Variants in AGO3 observed in about 807,000 individuals in gnomAD.
AGO3 encodes protein argonaute-3.
In AGO3, 16 loss-of-function variants were observed where a neutral mutation model predicts 105.5. That is an observed-to-expected ratio of 0.15 (90% CI 0.10 to 0.23). AGO3 has a LOEUF of 0.23. AGO3 is among the 10% of genes least tolerant of loss of function. The pLI is 1.00. For missense variants in AGO3, 534 were observed against 1,088.0 expected (o/e 0.49, Z 7.16); for synonymous variants, 340 against 367.3 (o/e 0.93, Z 0.85).
Position 36,027,758 on chromosome 1 carries a change from G to A in AGO3, c.1591+460G>A, listed in dbSNP as rs148379014. 1.0e-3 allele frequency among the ~76,000 whole-genome samples: 153 copies of A among 148,184 alleles called. No individual in the cohort carries two copies. Among genetic ancestry groups the A allele is most frequent in the African/African-American group, 3.6e-3 (143 of 40,084 alleles). ...CGCACCGGTGCACTCCAGCCTGGGC[G>A]ACAGAGCGAAAGTCCGTCTCAAAAA... On this transcript the variant is annotated intron_variant, in intron 12 of 18. Transcript: ENST00000373191. This position sits in a 1 kb window ranked among gnomAD's most constrained non-coding sequence, Gnocchi z 4.0.
Position 36,009,612 on chromosome 1 carries a change from GA to G in AGO3, c.1149+21del. On this transcript the variant is annotated intron_variant, in intron 9 of 18. Coordinates refer to ENST00000373191, the MANE Select transcript of AGO3 (RefSeq NM_024852.4). ...GCAGATTGGTTAGTACTTAACCTTA[GA>G]AATGAGAATTTAAAACATATTAGGG... 1 of 1,600,990 alleles carries G rather than the reference GA, an allele frequency of 6.2e-7. No homozygotes were observed. The highest frequency in any genetic ancestry group is 8.5e-7 in the Non-Finnish European group (1 of 1,175,904).
Position 36,056,787 on chromosome 1 carries a change from G to C in AGO3, c.*1042G>C, listed in dbSNP as rs1343727597. 1 of 151,112 alleles carries C rather than the reference G, an allele frequency of 6.6e-6. No homozygotes were observed. The highest frequency in any genetic ancestry group is 1.5e-5 in the Non-Finnish European group (1 of 67,872). The allele number at this position is 151,112 out of a possible 1,614,324, so 9.4% of individuals were successfully genotyped here. Reference sequence around the variant, plus strand: ...AGACAGAGCCTCGCTCTGTCACCAGGCTGGAGTGCAGTGGCGAGATCTCGG... The same window carrying C: ...AGACAGAGCCTCGCTCTGTCACCAGCCTGGAGTGCAGTGGCGAGATCTCGG... On this transcript the variant is annotated 3_prime_UTR_variant, in exon 19 of 19. Transcript: ENST00000373191.
At chr1:36,054,925 A>G (rs1442247211) in intron 17 of AGO3, 21 bp from the exon 18 acceptor site, 5 of 1,607,604 alleles carry the variant, frequency 3.1e-6, no homozygotes, top group African/African-American at 2.7e-5. Flanking sequence ...TCAACAGTGT[A>G]TGTCATTGCC....
intron 2 of AGO3, among the ~76,000 whole-genome samples, chr1:35,965,823 T>C (rs1232663476): frequency 1.4e-5 from 2 of 147,196 alleles, no homozygotes; most frequent in African/African-American, 2.5e-5. Flanking sequence ...AATCTCTCTT[T>C]TTTTTTTTTT....
intron 9 of AGO3, among the ~76,000 whole-genome samples, chr1:36,012,652 C>T (rs983077964): frequency 6.6e-6 from 1 of 152,068 alleles, no homozygotes; most frequent in African/African-American, 2.4e-5. Context: ...TCAAACTCTA[C>T]ACAAAATAAA....
intron 13 of AGO3, among the ~76,000 whole-genome samples, chr1:36,034,713 G>A (rs1293949676): frequency 6.6e-6 from 1 of 152,162 alleles, no homozygotes; most frequent in Non-Finnish European, 1.5e-5. Flanking sequence ...TCTCACTGGA[G>A]AGCCCAGCTT....
intron 2 of AGO3, among the ~76,000 whole-genome samples, chr1:35,963,840 A>G (rs764733239): frequency 1.3e-5 from 2 of 152,176 alleles, no homozygotes; most frequent in African/African-American, 2.4e-5. Context: ...GAGATGAGCC[A>G]AGTTTTGAAT....
chr1:35,958,359 CG>C (rs968818139), intron 2 of AGO3, among the ~76,000 whole-genome samples: 32 of 151,456 alleles, frequency 2.1e-4, no homozygotes, highest in Admixed American at 1.3e-4. Context: ...CCAGTCTAGG[CG>C]ACAGAATAAG....
intron 2 of AGO3, among the ~76,000 whole-genome samples, chr1:35,954,145 C>G (rs960610058): frequency 3.9e-5 from 6 of 152,098 alleles, no homozygotes; most frequent in African/African-American, 1.4e-4. Flanking sequence ...CTTGGGGAAA[C>G]TATTATACAA....
In AGO3 at chr1:36,009,050, G is replaced by A. The variant is rs1252524505; in HGVS notation, c.1029+6G>A. On this transcript the variant is annotated splice_donor_region_variant and intron_variant, in intron 8 of 18. Transcript: ENST00000373191. ...ACACCTACCTGCCACTAGAAGTAAT[G>A]CCTTCACACTGCTAATTAATACCCT... 4 of 1,525,068 alleles carry A rather than the reference G, an allele frequency of 2.6e-6. No homozygotes were observed. Among genetic ancestry groups the A allele is most frequent in the East Asian group, 2.7e-5 (1 of 37,436 alleles). 94.5% of individuals were successfully genotyped at this position (1,525,068 alleles called of 1,614,324 possible). A position where few individuals can be genotyped will look rare whatever the true frequency, so the allele number is the denominator to read the frequency against.
intron 9 of AGO3, 113 bp from the exon 10 acceptor site, chr1:36,013,517 C>T: frequency 1.5e-6 from 2 of 1,379,192 alleles, no homozygotes; most frequent in Non-Finnish European, 2.0e-6. Context: ...TTGATTAGAC[C>T]TGTTGGAAAA....
chr1:36,034,716 C>T (rs761874007), intron 13 of AGO3, among the ~76,000 whole-genome samples: 5 of 152,112 alleles, frequency 3.3e-5, no homozygotes, highest in African/African-American at 7.2e-5. Flanking sequence ...CACTGGAGAG[C>T]CCAGCTTGAA....
rs1324507451 is a variant in AGO3, at chr1:36,056,624, A to T, written c.*879A>T. 4 of 152,216 alleles carry T rather than the reference A, an allele frequency of 2.6e-5. No individual in the cohort carries two copies. The highest frequency in any genetic ancestry group is 5.9e-5 in the Non-Finnish European group (4 of 68,032). 9.4% of individuals were successfully genotyped at this position (152,216 alleles called of 1,614,324 possible). A position where few individuals can be genotyped will look rare whatever the true frequency, so the allele number is the denominator to read the frequency against. ...CACACACATATATATACATAAAATAACTTTCTGTGAGAGTGCGTCTCTCCC... is the reference window on the plus strand; with the variant it reads ...CACACACATATATATACATAAAATATCTTTCTGTGAGAGTGCGTCTCTCCC... On this transcript the variant is annotated 3_prime_UTR_variant, in exon 19 of 19. Coordinates refer to ENST00000373191, the MANE Select transcript of AGO3 (RefSeq NM_024852.4).
At chr1:35,988,803 G>T (rs1647346807) in intron 5 of AGO3, among the ~76,000 whole-genome samples, 1 of 152,032 alleles carries the variant, frequency 6.6e-6, no homozygotes, top group African/African-American at 2.4e-5. Flanking sequence ...CCTGAAGTGG[G>T]ATTGCTAGAT....
chr1:35,940,855 G>A (rs898334176), intron 1 of AGO3, among the ~76,000 whole-genome samples: 3 of 152,046 alleles, frequency 2.0e-5, no homozygotes, highest in African/African-American at 7.2e-5. Context: ...CAGTTCCTTT[G>A]CTGTTTTCAT....
intron 5 of AGO3, among the ~76,000 whole-genome samples, chr1:35,995,095 G>A (rs1648159004): frequency 6.6e-6 from 1 of 151,352 alleles, no homozygotes; most frequent in African/African-American, 2.4e-5. Flanking sequence ...CGGCTACTCG[G>A]GAGGCTGAGG....
chr1:36,034,397 A>C, intron 13 of AGO3, 64 bp downstream of exon 13: 1 of 1,223,722 alleles, frequency 8.2e-7, no homozygotes, highest in African/African-American at 1.6e-5. Flanking sequence ...ATATATGACC[A>C]TATCTAACTA....
At chr1:36,013,543 G>C in intron 9 of AGO3, 87 bp from the exon 10 acceptor site, 1 of 1,527,974 alleles carries the variant, frequency 6.5e-7, no homozygotes, top group Non-Finnish European at 8.9e-7. Flanking sequence ...TATGGACACA[G>C]TGAAGAAAAA....
At chr1:36,021,735 A>G (rs993437290) in intron 11 of AGO3, among the ~76,000 whole-genome samples, 2 of 152,238 alleles carry the variant, frequency 1.3e-5, no homozygotes, top group African/African-American at 2.4e-5. Flanking sequence ...TCACTGTGAA[A>G]TAAGTCATTC....
Sources: gnomAD v4.1 joint callset for allele counts (sites outside exome capture counted in the v4.1 genomes callset) on GRCh38, gnomAD v4.1.1 for gene constraint, Gnocchi (gnomAD v3.1) non-coding constraint, MANE v1.5 for transcripts, NCBI Gene and HGNC (gene_info 2026-07-23, HGNC 2026-07-21) for gene names.